The following ZNF443 variants were observed in gnomAD, a reference collection of about 807,000 sequenced individuals.
ZNF443 encodes zinc finger protein 443.
A neutral mutation model predicts 12.0 loss-of-function variants in ZNF443; 3 were observed. The ratio of observed to expected loss-of-function variants is 0.25; its 90% CI spans 0.11 to 0.64. The LOEUF is 0.64. ZNF443 is among the 30% of genes least tolerant of loss of function. The pLI is 0.84. For missense variants in ZNF443, 770 were observed against 808.8 expected (o/e 0.95, Z 0.58); for synonymous variants, 225 against 265.9 (o/e 0.85, Z 1.50).
In ZNF443 at chr19:12,431,552, A is replaced by G; in HGVS notation, c.620T>C (p.Phe207Ser). 5.0e-6 allele frequency: 8 copies of G among 1,614,078 alleles called. No individual in the cohort carries two copies. The highest frequency in any genetic ancestry group is 6.8e-6 in the Non-Finnish European group (8 of 1,179,980). Residue 207 changes from phenylalanine (F) to serine (S), a missense_variant, in exon 4 of 4, where the codon TTT becomes TCT. Phe to Ser is a radical substitution (Grantham distance 155). Around this residue, in one of 3 missense-constraint regions of ZNF443, gnomAD observed 736 missense variants for 689.4 expected, o/e 1.07. Coordinates refer to ENST00000301547, the MANE Select transcript of ZNF443 (RefSeq NM_005815.5). ...YKCKLCGKAF[F>S]WPSLLHMHER... ...ATGCATATGTAATAAACTGGGCCAA[A>G]AAAACGCTTTCCCACACAACTTACA...
rs1970255104 is a variant in ZNF443, at chr19:12,431,576, C to A, written c.596G>T (p.Cys199Phe). ...AVQRGDGPYK[C>F]KLCGKAFFWP... ...AAAAAACGCTTTCCCACACAACTTA[C>A]ATTTATAAGGTCCATCTCCACGCTG... Residue 199 changes from cysteine (C) to phenylalanine (F), a missense_variant, in exon 4 of 4, where the codon TGT becomes TTT. By Grantham distance (205) the Cys-to-Phe change is radical. Coordinates refer to ENST00000301547, the MANE Select transcript of ZNF443 (RefSeq NM_005815.5). 9 of 1,614,158 alleles carry A rather than the reference C, an allele frequency of 5.6e-6. No individual in the cohort carries two copies. Among genetic ancestry groups the A allele is most frequent in the Non-Finnish European group, 7.6e-6 (9 of 1,180,006 alleles).
chr19:12,434,545 C>T (rs1323792092), intron 1 of ZNF443, among the ~76,000 whole-genome samples: 1 of 152,022 alleles, frequency 6.6e-6, no homozygotes, highest in Non-Finnish European at 1.5e-5. Context: ...TAAAACGGAC[C>T]TTTTAGTAGT....
chr19:12,437,626 T>A (rs1432170185), intron 1 of ZNF443, among the ~76,000 whole-genome samples: 1 of 152,018 alleles, frequency 6.6e-6, no homozygotes, highest in East Asian at 1.9e-4. Context: ...TATATGAATA[T>A]ACCAATAAAA....
At chr19:12,436,282 ACCAGC>A (rs1970307629) in intron 1 of ZNF443, among the ~76,000 whole-genome samples, 1 of 145,622 alleles carries the variant, frequency 6.9e-6, no homozygotes, top group African/African-American at 2.6e-5. Context: ...GGAGTTTGAG[ACCAGC>A]CTGGCCAATG....
chr19:12,437,189 G>A (rs1970319987), intron 1 of ZNF443, among the ~76,000 whole-genome samples: 1 of 151,956 alleles, frequency 6.6e-6, no homozygotes, highest in African/African-American at 2.4e-5. Context: ...AAGACTTTGA[G>A]CCCACACTCA....
In ZNF443 at chr19:12,436,662, C is replaced by T. The variant is rs887487610; in HGVS notation, c.4-3465G>A. 2.0e-5 allele frequency among the ~76,000 whole-genome samples: 3 copies of T among 151,424 alleles called. No homozygotes were observed. In the East Asian group the frequency reaches 5.8e-4, roughly 29 times the overall value. ...AAAAAAAGGAATGAAATTGAGAGAA[C>T]ATGTGATTGGTGTACTTGTCTTGCC... On this transcript the variant is annotated intron_variant, in intron 1 of 3. Transcript: ENST00000301547.
intron 1 of ZNF443, among the ~76,000 whole-genome samples, chr19:12,437,703 T>C: frequency 6.6e-6 from 1 of 152,090 alleles, no homozygotes. Context: ...GAAAACTATT[T>C]TTTTTATTCT....
intron 1 of ZNF443, among the ~76,000 whole-genome samples, chr19:12,433,856 A>G (rs1360527281): frequency 2.0e-5 from 3 of 150,652 alleles, no homozygotes; most frequent in Non-Finnish European, 3.0e-5. Flanking sequence ...AAAAAAAAAG[A>G]AAAAAAAAGT....
Position 12,440,987 on chromosome 19 carries a change from G to C in ZNF443, c.-73C>G, listed in dbSNP as rs771161834. The C allele has an allele frequency of 2.5e-6, 4 of 1,612,436 alleles. No individual in the cohort carries two copies. Among genetic ancestry groups the C allele is most frequent in the East Asian group, 4.5e-5 (2 of 44,876 alleles). On this transcript the variant is annotated 5_prime_UTR_variant, in exon 1 of 4. Transcript: ENST00000301547. ...CAATGCGTGTTCCAGCCAGACAAAG[G>C]CTGCCTCAGAACTTCCAGGTCGTCT...
chr19:12,438,271 C>G (rs9676510), intron 1 of ZNF443, among the ~76,000 whole-genome samples: 1 of 151,912 alleles, frequency 6.6e-6, no homozygotes, highest in Non-Finnish European at 1.5e-5. Context: ...TCTATGTCTA[C>G]GGGTGGGAAG....
rs762171702 is a variant in ZNF443, at chr19:12,432,362, G to C, written c.191+15C>G. ...GGCTCCAGGGACATATCTTTCTCTT[G>C]TGAGTGTAAATTACCTTAGATTTTT... is the stretch of plus-strand genomic sequence containing the variant. On this transcript the variant is annotated intron_variant, in intron 3 of 3. Transcript: ENST00000301547. 6.4e-7 allele frequency: 1 copy of C among 1,569,822 alleles called. No individual in the cohort carries two copies. Among genetic ancestry groups the C allele is most frequent in the Admixed American group, 1.7e-5 (1 of 57,592 alleles).
At chr19:12,434,738 T>C (rs946248800) in intron 1 of ZNF443, among the ~76,000 whole-genome samples, 4 of 151,478 alleles carry the variant, frequency 2.6e-5, no homozygotes, top group African/African-American at 9.7e-5. Flanking sequence ...TGAAGAAAAA[T>C]GAAAACTGGT....
rs1367723674 is a variant in ZNF443 at position 12,430,433 on chromosome 19, C to A, written c.1739G>T (p.Arg580Ile). ...ATAGGATTTCTCTCTCATGTGAATTCTTTCATGTCGTAGAAAGCAAGTGAG... is the reference window on the plus strand; with the variant it reads ...ATAGGATTTCTCTCTCATGTGAATTATTTCATGTCGTAGAAAGCAAGTGAG... Reference protein sequence around the residue: ...SWLTCFLRHERIHMREKSYEC... With the variant: ...SWLTCFLRHEIIHMREKSYEC... The change falls in exon 4 of 4, where the codon AGA becomes ATA. Residue 580 changes from arginine to isoleucine, a missense_variant. Physicochemically the swap from Arg to Ile is moderately conservative, Grantham distance 97 (BLOSUM62 -3). Transcript: ENST00000301547. 2.5e-6 allele frequency: 4 copies of A among 1,573,884 alleles called. No individual in the cohort carries two copies. The highest frequency in any genetic ancestry group is 3.5e-6 in the Non-Finnish European group (4 of 1,159,212).
intron 1 of ZNF443, among the ~76,000 whole-genome samples, chr19:12,436,207 G>A (rs568450845): frequency 1.9e-4 from 26 of 134,638 alleles, no homozygotes; most frequent in African/African-American, 3.6e-4. Flanking sequence ...TTAACTGGGC[G>A]TGGTGGCTCA....
In ZNF443 at chr19:12,430,979, C is replaced by T; in HGVS notation, c.1193G>A (p.Cys398Tyr). The change falls in exon 4 of 4, where the codon TGT (cysteine) becomes TAT (tyrosine). Residue 398 changes from cysteine (C) to tyrosine (Y), a missense_variant. This residue lies in a region of ZNF443 where 736 missense variants were observed against 689.4 expected (regional missense o/e 1.07). Transcript: ENST00000301547. The part of the protein sequence containing the change: ...TGEKPYECKQ[C>Y]GKALSHRSSF... Reference sequence around the variant, plus strand: ...TGAGCGATGAGATAATGCTTTCCCACACTGCTTGCATTCATAGGGTTTCTC... The same window carrying T: ...TGAGCGATGAGATAATGCTTTCCCATACTGCTTGCATTCATAGGGTTTCTC... 2 of 1,613,872 alleles carry T rather than the reference C, an allele frequency of 1.2e-6. No homozygotes were observed. The highest frequency in any genetic ancestry group is 1.7e-6 in the Non-Finnish European group (2 of 1,179,810).
chr19:12,439,097 A>G (rs1311037562), intron 1 of ZNF443, among the ~76,000 whole-genome samples: 1 of 151,722 alleles, frequency 6.6e-6, no homozygotes, highest in Non-Finnish European at 1.5e-5. Flanking sequence ...GACACTCACC[A>G]CCCTCCTAGG....
At chr19:12,433,971 A>G (rs7256052) in intron 1 of ZNF443, among the ~76,000 whole-genome samples, 49,788 of 151,824 alleles carry the variant, frequency 0.33, 8,531 homozygotes, top group South Asian at 0.47. Flanking sequence ...CTTCTGAGAA[A>G]AGAAAGAGAT....
At chr19:12,438,858 G>T (rs1037117099) in intron 1 of ZNF443, among the ~76,000 whole-genome samples, 13 of 151,998 alleles carry the variant, frequency 8.6e-5, no homozygotes, top group African/African-American at 2.9e-4. Flanking sequence ...TCCAACTTTG[G>T]GTATACTTTG....
rs202135918 is a variant in ZNF443 at position 12,433,839 on chromosome 19, GAAA to G, written c.4-645_4-643del. Among the ~76,000 whole-genome samples, 250 of 115,110 alleles carry G rather than the reference GAAA, an allele frequency of 2.2e-3. 2 individuals carry two copies. Among genetic ancestry groups the G allele is most frequent in the African/African-American group, 5.6e-3 (184 of 33,030 alleles). The allele number at this position is 115,110 out of a possible 152,430, so 75.5% of individuals were successfully genotyped here. On this transcript the variant is annotated intron_variant, in intron 1 of 3. Transcript: ENST00000301547. ...CTGAATGTTAATCTCCAAAGTGGCAGAAAAAAAAAAAAAAAGAAAAAAAAAGTG... is the reference window on the plus strand; with the variant it reads ...CTGAATGTTAATCTCCAAAGTGGCAGAAAAAAAAAAAAGAAAAAAAAAGTG...
Sources: allele counts gnomAD v4.1 joint callset (sites outside exome capture counted in the v4.1 genomes callset), GRCh38; gene constraint gnomAD v4.1.1; regional missense constraint gnomAD v4.1.1; transcripts MANE v1.5; gene names NCBI Gene and HGNC (gene_info 2026-07-23, HGNC 2026-07-21).